Variants in ARHGAP42 observed in about 807,000 individuals in gnomAD.
ARHGAP42 encodes the protein Rho GTPase activating protein 42.
A neutral mutation model predicts 125.0 loss-of-function variants in ARHGAP42; 63 were observed. The observed-to-expected ratio is 0.50, with a 90% confidence interval of 0.41 to 0.62. ARHGAP42 has a LOEUF of 0.62. ARHGAP42 is among the 20% of genes least tolerant of loss of function. ARHGAP42 has a pLI of 0.00. For synonymous variants in ARHGAP42, 339 were observed against 351.0 expected (o/e 0.97, Z 0.38); for missense variants, 766 against 1,024.2 (o/e 0.75, Z 3.44).
chr11:100,810,388 C>T (rs764469251), intron 3 of ARHGAP42, among the ~76,000 whole-genome samples: 8 of 152,144 alleles, frequency 5.3e-5, no homozygotes, highest in Non-Finnish European at 1.2e-4. Flanking sequence ...GGTTAACCAC[C>T]GGCTGGTCCT....
At chr11:100,958,402 C>T (rs1465399981) in intron 12 of ARHGAP42, among the ~76,000 whole-genome samples, 1 of 151,844 alleles carries the variant, frequency 6.6e-6, no homozygotes, top group Non-Finnish European at 1.5e-5. Context: ...GTTCTTTTGA[C>T]CTAGGACACT....
At chr11:100,819,806 T>C (rs903738870) in intron 3 of ARHGAP42, among the ~76,000 whole-genome samples, 2 of 152,148 alleles carry the variant, frequency 1.3e-5, no homozygotes, top group Non-Finnish European at 2.9e-5. Flanking sequence ...TATAGAATAA[T>C]GAAAGGGCTC....
intron 4 of ARHGAP42, among the ~76,000 whole-genome samples, chr11:100,903,818 T>C (rs1170705448): frequency 1.4e-5 from 2 of 145,772 alleles, no homozygotes; most frequent in Admixed American, 7.0e-5. Flanking sequence ...CAATAGGCTG[T>C]CTGTAAGCTG....
At chr11:100,731,051 A>T (rs962944831) in intron 1 of ARHGAP42, among the ~76,000 whole-genome samples, 1 of 150,376 alleles carries the variant, frequency 6.6e-6, no homozygotes, top group Admixed American at 6.6e-5. Context: ...GGTTTTTTTT[A>T]GTTTTGTTTT....
intron 4 of ARHGAP42, among the ~76,000 whole-genome samples, chr11:100,891,336 A>G (rs916878979): frequency 6.6e-6 from 1 of 152,024 alleles, no homozygotes; most frequent in Admixed American, 6.6e-5. Flanking sequence ...TGTTCAGTCT[A>G]AAAACATTTA....
At chr11:100,817,195 G>A (rs745785772) in intron 3 of ARHGAP42, among the ~76,000 whole-genome samples, 5 of 152,186 alleles carry the variant, frequency 3.3e-5, no homozygotes, top group Non-Finnish European at 5.9e-5. Flanking sequence ...AGGATATTTA[G>A]CGGCATCCCT....
At chr11:100,690,802 G>A (rs140400374) in intron 1 of ARHGAP42, among the ~76,000 whole-genome samples, 1,848 of 151,908 alleles carry the variant, frequency 0.012, 41 homozygotes, top group African/African-American at 0.042. Flanking sequence ...GGGTTTCACC[G>A]TGTTAGCCAG....
intron 3 of ARHGAP42, among the ~76,000 whole-genome samples, chr11:100,810,451 A>T (rs1214754428): frequency 1.3e-5 from 2 of 152,128 alleles, no homozygotes; most frequent in East Asian, 3.8e-4. Flanking sequence ...CCGTATGAAA[A>T]CCTTACCTTT....
intron 5 of ARHGAP42, among the ~76,000 whole-genome samples, chr11:100,919,011 G>C (rs1490221399): frequency 6.6e-6 from 1 of 152,094 alleles, no homozygotes; most frequent in Non-Finnish European, 1.5e-5. Context: ...AGTCATACTC[G>C]TGGCTATGAT....
chr11:100,965,040 G>A (rs915785586), intron 16 of ARHGAP42, among the ~76,000 whole-genome samples: 2 of 152,090 alleles, frequency 1.3e-5, no homozygotes, highest in East Asian at 3.9e-4. Flanking sequence ...ATGGTGGAAG[G>A]TGCCTCCTCA....
rs1867948020 is a variant in ARHGAP42, at chr11:100,943,859, T to C, written c.1034T>C (p.Val345Ala). 3.9e-6 allele frequency: 6 copies of C among 1,544,280 alleles called. No individual in the cohort carries two copies. Among genetic ancestry groups the C allele is most frequent in the Non-Finnish European group, 5.3e-6 (6 of 1,141,414 alleles). The change falls in exon 10 of 24, where the codon GTA becomes GCA. Residue 345 changes from valine (V) to alanine (A), a missense_variant. Coordinates refer to ENST00000298815, the MANE Select transcript of ARHGAP42 (RefSeq NM_152432.4). ...IDKRFCFDIE[V>A]VERHGIITLQ... ...AAACGATTCTGCTTTGACATAGAAG[T>C]AGTTGAAAGGTTTGAGCTGTTCTTT...
At chr11:100,858,143 A>C (rs749040058) in intron 3 of ARHGAP42, among the ~76,000 whole-genome samples, 1 of 143,154 alleles carries the variant, frequency 7.0e-6, no homozygotes, top group Non-Finnish European at 1.5e-5. Flanking sequence ...TTAGGGTTTT[A>C]ATGAGGGCAT....
At chr11:100,794,772 A>G (rs527590188) in intron 2 of ARHGAP42, among the ~76,000 whole-genome samples, 7 of 152,282 alleles carry the variant, frequency 4.6e-5, no homozygotes, top group African/African-American at 1.7e-4. Context: ...TTTCAATGCT[A>G]TGTTTATCAA....
At chr11:100,972,237 A>G (rs899173288) in intron 17 of ARHGAP42, among the ~76,000 whole-genome samples, 2 of 152,208 alleles carry the variant, frequency 1.3e-5, no homozygotes, top group Non-Finnish European at 2.9e-5. Context: ...CTTGTGTTAT[A>G]CTAATAACCT....
chr11:100,845,233 G>A (rs1326359183), intron 3 of ARHGAP42, among the ~76,000 whole-genome samples: 1 of 152,140 alleles, frequency 6.6e-6, no homozygotes, highest in East Asian at 1.9e-4. Context: ...ATTATTCTAA[G>A]TGAAGTAACC....
intron 17 of ARHGAP42, among the ~76,000 whole-genome samples, chr11:100,970,455 A>T (rs986488636): frequency 3.3e-5 from 5 of 152,044 alleles, no homozygotes; most frequent in African/African-American, 1.2e-4. Context: ...TGATCTATAA[A>T]TATGTCTGCT....
intron 10 of ARHGAP42, among the ~76,000 whole-genome samples, chr11:100,945,188 T>C (rs1298319516): frequency 6.6e-6 from 1 of 152,080 alleles, no homozygotes; most frequent in Non-Finnish European, 1.5e-5. Flanking sequence ...CCTTTCAAGT[T>C]TTATTATGAG....
intron 22 of ARHGAP42, among the ~76,000 whole-genome samples, chr11:100,981,010 GACA>G (rs887621709): frequency 6.6e-6 from 1 of 152,150 alleles, no homozygotes; most frequent in Non-Finnish European, 1.5e-5. Context: ...TGATTTGTGT[GACA>G]ACTTTTCACT....
rs781780931 is a variant in ARHGAP42, at chr11:100,864,781, A to T, written c.384+5156A>T. ...ACAAATAAATGGTTTAGTGTGAAAT[A>T]TCTTCGTTATCAAAATGTTTCAAAT... On this transcript the variant is annotated intron_variant, in intron 4 of 23. Coordinates refer to ENST00000298815, the MANE Select transcript of ARHGAP42 (RefSeq NM_152432.4). 2.0e-5 allele frequency among the ~76,000 whole-genome samples: 3 copies of T among 152,192 alleles called. No individual in the cohort carries two copies. The East Asian group carries it at 5.8e-4, about 29-fold the overall frequency.
Sources: gnomAD v4.1 joint callset for allele counts (sites outside exome capture counted in the v4.1 genomes callset) on GRCh38, gnomAD v4.1.1 for gene constraint, MANE v1.5 for transcripts, NCBI Gene and HGNC (gene_info 2026-07-23, HGNC 2026-07-21) for gene names.